Variants in ARRDC1 observed in about 807,000 individuals in gnomAD.
ARRDC1 encodes arrestin domain-containing protein 1.
ARRDC1 carries 37 observed loss-of-function variants against 40.1 expected under a neutral mutation model. The observed-to-expected ratio is 0.92, with a 90% CI of 0.71 to 1.21. The LOEUF (loss-of-function observed/expected upper bound fraction) is 1.21, where lower values mean the gene tolerates loss of function less well. ARRDC1 is among the 50% of genes most tolerant of loss of function. The pLI, the probability that ARRDC1 is intolerant of heterozygous loss-of-function variation, is 0.00. For synonymous variants in ARRDC1, 310 were observed against 262.5 expected (o/e 1.18, Z -1.75); for missense variants, 641 against 581.9 (o/e 1.10, Z -1.04).
Position 137,614,112 on chromosome 9 carries a change from T to C in ARRDC1, c.516T>C (p.Thr172=), listed in dbSNP as rs762589692. 13 of 1,613,672 alleles carry C rather than the reference T, an allele frequency of 8.1e-6. No individual in the cohort carries two copies. The highest frequency in any genetic ancestry group is 5.3e-5 in the African/African-American group (4 of 74,910). Residue 172 remains threonine (T), a synonymous_variant, in exon 5 of 8, where the codon ACT becomes ACC. Transcript: ENST00000371421. ...KTGSVVLTAS[T]DLRGYVVGQA... is the part of the protein sequence containing the mutation. ...GCAGCGTGGTCCTCACAGCCAGCACTGATCTCCGCGGCTATGTGGTGGGGC... is the reference window on the plus strand; with the variant it reads ...GCAGCGTGGTCCTCACAGCCAGCACCGATCTCCGCGGCTATGTGGTGGGGC...
intron 1 of ARRDC1, among the ~76,000 whole-genome samples, chr9:137,607,016 G>A (rs1588983359): frequency 6.6e-6 from 1 of 151,044 alleles, no homozygotes; most frequent in Non-Finnish European, 1.5e-5. Flanking sequence ...GTGGTGGGTG[G>A]GTTGAATGCT....
chr9:137,605,924 T>G (rs1489915253), intron 1 of ARRDC1, 89 bp downstream of exon 1: 2 of 823,892 alleles, frequency 2.4e-6, no homozygotes, highest in African/African-American at 3.6e-5. Flanking sequence ...GGCCCCGGGT[T>G]GGGCCCGCGG....
chr9:137,606,044 G>T (rs1381380398), intron 1 of ARRDC1, among the ~76,000 whole-genome samples: 2 of 151,736 alleles, frequency 1.3e-5, no homozygotes, highest in East Asian at 3.9e-4. Flanking sequence ...CTCGCCGAGG[G>T]GCGGCGGGGT....
intron 2 of ARRDC1, 95 bp downstream of exon 2, chr9:137,613,101 C>T (rs1279609542): frequency 1.0e-6 from 1 of 987,500 alleles, no homozygotes; most frequent in South Asian, 1.4e-5. Context: ...CTAGATCTGC[C>T]TCTTGGATCT....
At chr9:137,606,168 G>A (rs1237204647) in intron 1 of ARRDC1, among the ~76,000 whole-genome samples, 1 of 151,974 alleles carries the variant, frequency 6.6e-6, no homozygotes, top group East Asian at 1.9e-4. Flanking sequence ...CCCGCACCCT[G>A]GCTCCCGGCG....
At position 137,605,688 on chromosome 9, in the gene ARRDC1, C is replaced by T. The variant is rs769022197; in HGVS notation, c.-30C>T. On this transcript the variant is annotated 5_prime_UTR_variant, in exon 1 of 8. Coordinates refer to ENST00000371421, the MANE Select transcript of ARRDC1 (RefSeq NM_152285.4). ...ACTCGCGGGCGGCGGGCGGGGGCGT[C>T]GCTGCGCGGCTGGCCGGTGAGGCCG... 7 of 1,297,484 alleles carry T rather than the reference C, an allele frequency of 5.4e-6. No homozygotes were observed. Among genetic ancestry groups the T allele is most frequent in the East Asian group, 6.7e-5 (2 of 29,932 alleles). 80.4% of individuals were successfully genotyped at this position (1,297,484 alleles called of 1,614,324 possible).
At chr9:137,609,093 C>T (rs189498738) in intron 1 of ARRDC1, among the ~76,000 whole-genome samples, 2 of 152,266 alleles carry the variant, frequency 1.3e-5, no homozygotes, top group East Asian at 1.9e-4. Context: ...AGATTCTAAG[C>T]GGAATTCTGG....
In ARRDC1 at chr9:137,614,524, C is replaced by T. The variant is rs890476002; in HGVS notation, c.796-35C>T. 4.3e-6 allele frequency: 7 copies of T among 1,612,948 alleles called. No individual in the cohort carries two copies. The East Asian group carries it at 6.7e-5, about 15-fold the overall frequency. On this transcript the variant is annotated intron_variant, in intron 6 of 7. Coordinates refer to ENST00000371421, the MANE Select transcript of ARRDC1 (RefSeq NM_152285.4). Reference sequence around the variant, plus strand: ...TGGTCTGAGGCCTAGTGGCCTTGGCCCTGGCCCCTCATGCCCCACCTCAAT... The same window carrying T: ...TGGTCTGAGGCCTAGTGGCCTTGGCTCTGGCCCCTCATGCCCCACCTCAAT...
intron 4 of ARRDC1, 98 bp from the exon 5 acceptor site, chr9:137,613,934 C>T: frequency 6.4e-7 from 1 of 1,552,032 alleles, no homozygotes; most frequent in Non-Finnish European, 8.8e-7. Context: ...TGCTGATGTC[C>T]AGGGGCAGGG....
chr9:137,614,940 G>T lies in ARRDC1; in HGVS notation c.1177G>T (p.Val393Leu). 1 of 1,613,944 alleles carries T rather than the reference G, an allele frequency of 6.2e-7. No homozygotes were observed. Among genetic ancestry groups the T allele is most frequent in the Non-Finnish European group, 8.5e-7 (1 of 1,179,998 alleles). Residue 393 changes from valine to leucine, a missense_variant, in exon 7 of 8, where the codon GTG becomes TTG. Val to Leu is a conservative substitution (Grantham distance 32). Transcript: ENST00000371421. Reference sequence around the variant, plus strand: ...CTTTGCAGAGGGCTCCGGGGGGCCAGTGCCCACTACCAGCACCTTGATTCT... The same window carrying T: ...CTTTGCAGAGGGCTCCGGGGGGCCATTGCCCACTACCAGCACCTTGATTCT... The part of the protein sequence containing the change: ...PYFAEGSGGP[V>L]PTTSTLILPP...
Position 137,614,368 on chromosome 9 carries a change from G to T in ARRDC1, c.688G>T (p.Val230Phe). Reference protein sequence around the residue: ...RTIAEVEGAGVKAWRRAQWHE... With the variant: ...RTIAEVEGAGFKAWRRAQWHE... ...CATTGCGGAGGTGGAGGGTGCGGGC[G>T]TCAAGGCCTGGCGGCGGGCGCAGTG... is the stretch of plus-strand genomic sequence containing the variant. The change falls in exon 6 of 8, where the codon GTC (valine) becomes TTC (phenylalanine). Residue 230 changes from valine (V) to phenylalanine (F), a missense_variant. By Grantham distance (50) the Val-to-Phe change is conservative. Coordinates refer to ENST00000371421, the MANE Select transcript of ARRDC1 (RefSeq NM_152285.4). The T allele has an allele frequency of 6.2e-7, 1 of 1,613,196 alleles. No individual in the cohort carries two copies. The highest frequency in any genetic ancestry group is 8.5e-7 in the Non-Finnish European group (1 of 1,179,726).
rs779173246 is a variant in ARRDC1, at chr9:137,614,419, T to C, written c.739T>C (p.Leu247=). Reference sequence around the variant, plus strand: ...GCACGAGCAGATCCTGGTGCCTGCCTTGCCCCAGTCGGCCCTGCCGGGCTG... The same window carrying C: ...GCACGAGCAGATCCTGGTGCCTGCCCTGCCCCAGTCGGCCCTGCCGGGCTG... ...QWHEQILVPA[L]PQSALPGCSL... is the part of the protein sequence containing the mutation. The change falls in exon 6 of 8, where the codon TTG becomes CTG. Residue 247 remains leucine (L), a synonymous_variant. Transcript: ENST00000371421. 1 of 1,613,252 alleles carries C rather than the reference T, an allele frequency of 6.2e-7. No homozygotes were observed. Among genetic ancestry groups the C allele is most frequent in the Non-Finnish European group, 8.5e-7 (1 of 1,179,932 alleles).
chr9:137,606,693 G>C (rs1455163855), intron 1 of ARRDC1, among the ~76,000 whole-genome samples: 1 of 152,222 alleles, frequency 6.6e-6, no homozygotes, highest in African/African-American at 2.4e-5. Context: ...AGGTGCTTCT[G>C]TCAGGCTCCT....
rs1842604554 is a variant in ARRDC1, at chr9:137,614,126, A to G, written c.530A>G (p.Tyr177Cys). Residue 177 changes from tyrosine to cysteine, a missense_variant, in exon 5 of 8, where the codon TAT becomes TGT. Transcript: ENST00000371421. Reference sequence around the variant, plus strand: ...ACAGCCAGCACTGATCTCCGCGGCTATGTGGTGGGGCAGGCACTGCAGCTG... The same window carrying G: ...ACAGCCAGCACTGATCTCCGCGGCTGTGTGGTGGGGCAGGCACTGCAGCTG... ...VLTASTDLRG[Y>C]VVGQALQLHA... The G allele has an allele frequency of 4.3e-6, 7 of 1,613,578 alleles. No homozygotes were observed. The highest frequency in any genetic ancestry group is 4.2e-6 in the Non-Finnish European group (5 of 1,179,868).
intron 1 of ARRDC1, 22 bp downstream of exon 1, chr9:137,605,857 G>A (rs760294421): frequency 4.6e-5 from 57 of 1,228,480 alleles, no homozygotes; most frequent in Middle Eastern, 6.4e-4. Context: ...TCCTCGGGGA[G>A]GGCCTTTGGC....
In ARRDC1 at chr9:137,614,990, C is replaced by G; in HGVS notation, c.1227C>G (p.Gly409=). 1 of 1,613,540 alleles carries G rather than the reference C, an allele frequency of 6.2e-7. No individual in the cohort carries two copies. Among genetic ancestry groups the G allele is most frequent in the Non-Finnish European group, 8.5e-7 (1 of 1,179,828 alleles). ...LILPPEYSSW[G]YPYEAPPSYE... is the part of the protein sequence containing the mutation. ...TTCCTCCAGAGTACAGTTCTTGGGG[C>G]TACCCCTATGGTGAGTCGACAGCCA... is the stretch of plus-strand genomic sequence containing the variant. The change falls in exon 7 of 8, where the codon GGC becomes GGG. Residue 409 remains glycine, a synonymous_variant. Transcript: ENST00000371421.
rs766011723 is a variant in ARRDC1 at position 137,613,447 on chromosome 9, C to T, written c.230-13C>T. The T allele has an allele frequency of 4.3e-6, 7 of 1,609,840 alleles. No individual in the cohort carries two copies. In the East Asian group the frequency reaches 1.6e-4, roughly 36 times the overall value. ...GGGGGGGACTGCCCCCCACCTCCCT[C>T]CTGTCTCTGCAGGGAGCCTGCCCGC... On this transcript the variant is annotated splice_polypyrimidine_tract_variant and intron_variant, in intron 2 of 7. Coordinates refer to ENST00000371421, the MANE Select transcript of ARRDC1 (RefSeq NM_152285.4).
At chr9:137,612,371 C>T (rs1394369324) in intron 1 of ARRDC1, 2 of 161,364 alleles carry the variant, frequency 1.2e-5, no homozygotes, top group Non-Finnish European at 1.3e-5. Context: ...GAAGTAGGGC[C>T]CCACCCAACG....
At chr9:137,609,360 G>A (rs1454762050) in intron 1 of ARRDC1, among the ~76,000 whole-genome samples, 3 of 152,008 alleles carry the variant, frequency 2.0e-5, no homozygotes, top group East Asian at 1.9e-4. Context: ...TCAGACTCCC[G>A]AGTAGCTGGG....
Sources: gnomAD v4.1 joint callset for allele counts (sites outside exome capture counted in the v4.1 genomes callset) on GRCh38, gnomAD v4.1.1 for gene constraint, MANE v1.5 for transcripts, NCBI Gene and HGNC (gene_info 2026-07-23, HGNC 2026-07-21) for gene names.